HERC1: variants seen among roughly 807,000 people sequenced by gnomAD.
HERC1 encodes the protein HECT and RLD domain containing E3 ubiquitin protein ligase family member 1, also known as probable E3 ubiquitin-protein ligase HERC1.
Under a neutral mutation model 554.3 loss-of-function variants are expected in HERC1, and 160 were observed. The observed-to-expected ratio is 0.29, with a 90% confidence interval of 0.25 to 0.33. The LOEUF (loss-of-function observed/expected upper bound fraction) is 0.33, where lower values mean the gene tolerates loss of function less well. Ranked by LOEUF, HERC1 falls within the 10% of genes least tolerant of loss-of-function variation. HERC1 has a pLI of 1.00. For synonymous variants in HERC1, 2,175 were observed against 2,131.7 expected (o/e 1.02, Z -0.56); for missense variants, 4,919 against 5,918.5 (o/e 0.83, Z 5.54).
At position 63,680,039 on chromosome 15, in the gene HERC1, A is replaced by C. The variant is rs777708399; in HGVS notation, c.6549+38T>G. ...TCTATCTGATGCTAAACAATAAAATAACAAATATTCTTAAATAAAGGTTTG... is the reference window on the plus strand; with the variant it reads ...TCTATCTGATGCTAAACAATAAAATCACAAATATTCTTAAATAAAGGTTTG... On this transcript the variant is annotated intron_variant, in intron 36 of 77. Transcript: ENST00000443617. This position sits in a 1 kb window ranked among gnomAD's most constrained non-coding sequence, Gnocchi z 5.8. The C allele has an allele frequency of 7.2e-7, 1 of 1,380,054 alleles. No individual in the cohort carries two copies. The highest frequency in any genetic ancestry group is 1.0e-6 in the Non-Finnish European group (1 of 977,768). The allele number at this position is 1,380,054 out of a possible 1,614,324, so 85.5% of individuals were successfully genotyped here.
chr15:63,831,008 A>G (rs2078133632), intron 1 of HERC1, among the ~76,000 whole-genome samples: 1 of 152,192 alleles, frequency 6.6e-6, no homozygotes, highest in African/African-American at 2.4e-5. Context: ...CCAACTTTTT[A>G]TGTTTTCAAC....
rs1257294994 is a variant in HERC1 at position 63,694,750 on chromosome 15, C to T, written c.5242+24G>A. 6.2e-7 allele frequency: 1 copy of T among 1,613,714 alleles called. No individual in the cohort carries two copies. The highest frequency in any genetic ancestry group is 1.3e-5 in the African/African-American group (1 of 75,008). ...GGGCTAAAATGTAACCTGCACTGTA[C>T]ATTTGCAGGAACCGTTTACTTACCA... On this transcript the variant is annotated intron_variant, in intron 28 of 77. Coordinates refer to ENST00000443617, the MANE Select transcript of HERC1 (RefSeq NM_003922.4). This position sits in a 1 kb window ranked among gnomAD's most constrained non-coding sequence, Gnocchi z 4.3.
rs751594632 is a variant in HERC1, at chr15:63,674,483, G to C, written c.7705C>G (p.His2569Asp). ...CGCATGACTGCTCGCTTCACCATGT[G>C]TCGCATCAAGAACTGCAGGGCTGCT... is the stretch of plus-strand genomic sequence containing the variant. ...MRAALQFLMRHMVKRAVMRSP... is the reference protein window; with the variant it reads ...MRAALQFLMRDMVKRAVMRSP... Residue 2569 changes from histidine to aspartate, a missense_variant, in exon 38 of 78, where the codon CAC becomes GAC. Physicochemically the swap from His to Asp is moderately conservative, Grantham distance 81. Transcript: ENST00000443617. 8.1e-6 allele frequency: 13 copies of C among 1,613,862 alleles called. No individual in the cohort carries two copies. Among genetic ancestry groups the C allele is most frequent in the Non-Finnish European group, 5.1e-6 (6 of 1,179,846 alleles).
chr15:63,699,111 T>C (rs1031219078), intron 25 of HERC1, 115 bp from the exon 26 acceptor site: 7 of 898,502 alleles, frequency 7.8e-6, no homozygotes, highest in Non-Finnish European at 1.2e-5. Flanking sequence ...TGGATACTCA[T>C]GTTTGAATAC....
intron 1 of HERC1, among the ~76,000 whole-genome samples, chr15:63,831,014 T>G (rs1037666968): frequency 1.3e-5 from 2 of 152,270 alleles, no homozygotes; most frequent in Admixed American, 1.3e-4. Context: ...TTTTATGTTT[T>G]CAACATCATG....
rs1595919081 is a variant in HERC1, at chr15:63,663,151, T to C, written c.8734A>G (p.Ile2912Val). Residue 2912 changes from isoleucine to valine, a missense_variant, in exon 44 of 78, where the codon ATA becomes GTA. Ile to Val is a conservative substitution (Grantham distance 29). Coordinates refer to ENST00000443617, the MANE Select transcript of HERC1 (RefSeq NM_003922.4). Reference sequence around the variant, plus strand: ...GCCCCTGGGTCTTGCTGCAAAGATATTCCTTCTCTCCGACTTTGATTCCTG... The same window carrying C: ...GCCCCTGGGTCTTGCTGCAAAGATACTCCTTCTCTCCGACTTTGATTCCTG... ...AHRNQSRREG[I>V]SLQQDPGALY... is the part of the protein sequence containing the mutation. 1.2e-6 allele frequency: 2 copies of C among 1,614,026 alleles called. No individual in the cohort carries two copies. Among genetic ancestry groups the C allele is most frequent in the Non-Finnish European group, 1.7e-6 (2 of 1,179,886 alleles).
At chr15:63,825,597 T>C (rs187603435) in intron 1 of HERC1, among the ~76,000 whole-genome samples, 8 of 152,220 alleles carry the variant, frequency 5.3e-5, no homozygotes, top group East Asian at 3.9e-4. Flanking sequence ...TGTGGGCTTA[T>C]TTTGTAATCA....
intron 2 of HERC1, among the ~76,000 whole-genome samples, chr15:63,769,227 G>C (rs1280265951): frequency 1.3e-5 from 2 of 152,056 alleles, no homozygotes; most frequent in Non-Finnish European, 2.9e-5. Context: ...AAACCAGCCT[G>C]GCCAACATGG....
chr15:63,795,285 C>T (rs1053559976), intron 1 of HERC1, among the ~76,000 whole-genome samples: 1 of 151,774 alleles, frequency 6.6e-6, no homozygotes, highest in African/African-American at 2.4e-5. Context: ...AAATATTCTG[C>T]TTGCATTTAT....
At chr15:63,643,996 G>C (rs2069197856) in intron 57 of HERC1, among the ~76,000 whole-genome samples, 1 of 152,106 alleles carries the variant, frequency 6.6e-6, no homozygotes, top group African/African-American at 2.4e-5. Context: ...TCACACATTT[G>C]TTCTGCAAGC....
chr15:63,686,829 T>A (rs2071789300), intron 33 of HERC1, among the ~76,000 whole-genome samples: 1 of 152,154 alleles, frequency 6.6e-6, no homozygotes, highest in Admixed American at 6.6e-5. Flanking sequence ...TAACCATGCT[T>A]GAGAAGGACA....
intron 4 of HERC1, among the ~76,000 whole-genome samples, chr15:63,757,413 C>A (rs2075461763): frequency 6.6e-6 from 1 of 151,900 alleles, no homozygotes; most frequent in South Asian, 2.1e-4. Flanking sequence ...TAGGCACGCG[C>A]CATCATGCCC....
chr15:63,713,377 G>A lies in HERC1; in HGVS notation c.4439C>T (p.Ser1480Phe), dbSNP rs1433690605. Reference protein sequence around the residue: ...GQLQQPSTSASEGGGLMTRSE... With the variant: ...GQLQQPSTSAFEGGGLMTRSE... ...CCTGGTCATAAGTCCACCCCCTTCA[G>A]AGGCACTTGTTGAAGGTTGCTGCAA... The change falls in exon 23 of 78, where the codon TCT becomes TTT. Residue 1480 changes from serine to phenylalanine, a missense_variant. This residue lies in a region of HERC1 where 1,121 missense variants were observed against 1,244.0 expected (regional missense o/e 0.90). Transcript: ENST00000443617. 4 of 1,613,808 alleles carry A rather than the reference G, an allele frequency of 2.5e-6. No homozygotes were observed. In the Admixed American group the frequency reaches 6.7e-5, roughly 27 times the overall value.
At chr15:63,747,665 C>T in intron 11 of HERC1, 59 bp downstream of exon 11, 1 of 1,008,234 alleles carries the variant, frequency 9.9e-7, no homozygotes, top group South Asian at 1.7e-5. Context: ...AATTTATACA[C>T]ATGCACACAC....
At position 63,678,034 on chromosome 15, in the gene HERC1, A is replaced by C. The variant is rs1208083168; in HGVS notation, c.6881T>G (p.Leu2294Arg). The change falls in exon 37 of 78, where the codon CTG (leucine) becomes CGG (arginine). Residue 2294 changes from leucine (L) to arginine (R), a missense_variant. By Grantham distance (102) the Leu-to-Arg change is moderately radical. Around this residue, in one of 11 missense-constraint regions of HERC1, gnomAD observed 1,963 missense variants for 2,228.6 expected, o/e 0.88. Coordinates refer to ENST00000443617, the MANE Select transcript of HERC1 (RefSeq NM_003922.4). ...TRHGLADLSELQLRTLCIEVW... is the reference protein window; with the variant it reads ...TRHGLADLSERQLRTLCIEVW... ...CTCTATGCAAAGAGTCCTCAGCTGC[A>C]GCTCTGAGAGGTCAGCGAGGCCATG... 1.2e-6 allele frequency: 2 copies of C among 1,614,024 alleles called. No homozygotes were observed. The highest frequency in any genetic ancestry group is 1.1e-5 in the South Asian group (1 of 91,078).
Position 63,643,490 on chromosome 15 carries a change from G to C in HERC1, c.11245C>G (p.Pro3749Ala). 1 of 1,611,844 alleles carries C rather than the reference G, an allele frequency of 6.2e-7. No individual in the cohort carries two copies. The highest frequency in any genetic ancestry group is 8.5e-7 in the Non-Finnish European group (1 of 1,178,798). Residue 3749 changes from proline (P) to alanine (A), a missense_variant, in exon 58 of 78, where the codon CCT (proline) becomes GCT (alanine). Pro to Ala is a conservative substitution (Grantham distance 27). Around this residue, in one of 11 missense-constraint regions of HERC1, gnomAD observed 1,963 missense variants for 2,228.6 expected, o/e 0.88. Coordinates refer to ENST00000443617, the MANE Select transcript of HERC1 (RefSeq NM_003922.4). ...CVYQLRGHIT[P>A]VRTVAFSSDG... Reference sequence around the variant, plus strand: ...GAACTAAAGGCAACAGTCCGAACAGGAGTGATGTGTCCCCGCAGCTGATAA... The same window carrying C: ...GAACTAAAGGCAACAGTCCGAACAGCAGTGATGTGTCCCCGCAGCTGATAA...
chr15:63,825,775 T>C (rs969887493), intron 1 of HERC1, among the ~76,000 whole-genome samples: 1 of 152,184 alleles, frequency 6.6e-6, no homozygotes, highest in African/African-American at 2.4e-5. Context: ...ATAATTTTTT[T>C]TTTTTTGAGA....
intron 24 of HERC1, 90 bp from the exon 25 acceptor site, chr15:63,706,921 T>C: frequency 2.5e-6 from 2 of 792,584 alleles, no homozygotes; most frequent in Non-Finnish European, 4.0e-6. Flanking sequence ...TAGAAATTCA[T>C]GTAATTACAG....
Position 63,696,163 on chromosome 15 carries a change from T to C in HERC1, c.5082A>G (p.Thr1694=). The part of the protein sequence containing the change: ...GCFGLGTVGH[T]GGKGESGRLH... ...ATCGGCCACTCTCTCCCTTGCCTCC[T>C]GTGTGTCCAACAGTGCCTAAACCAA... The change falls in exon 27 of 78, where the codon ACA becomes ACG. Residue 1694 remains threonine, a synonymous_variant. Transcript: ENST00000443617. 1 of 1,613,606 alleles carries C rather than the reference T, an allele frequency of 6.2e-7. No homozygotes were observed.
Sources: allele counts gnomAD v4.1 joint callset (sites outside exome capture counted in the v4.1 genomes callset), GRCh38; gene constraint gnomAD v4.1.1; regional missense constraint gnomAD v4.1.1; non-coding constraint Gnocchi (gnomAD v3.1); transcripts MANE v1.5; gene names NCBI Gene and HGNC (gene_info 2026-07-23, HGNC 2026-07-21).